The following SLC39A14 variants were observed in gnomAD, a reference collection of about 807,000 sequenced individuals.
The protein encoded by SLC39A14 is metal cation symporter ZIP14.
A neutral mutation model predicts 45.5 loss-of-function variants in SLC39A14; 19 were observed. That is an observed-to-expected ratio of 0.42 (90% confidence interval 0.29 to 0.61). The LOEUF is 0.61. Among genes scored for constraint, SLC39A14 ranks in the 20% least tolerant of loss-of-function variants. The pLI is 0.22. For missense variants in SLC39A14, 447 were observed against 616.5 expected (o/e 0.73, Z 2.91); for synonymous variants, 264 against 251.3 (o/e 1.05, Z -0.48).
intron 8 of SLC39A14, among the ~76,000 whole-genome samples, chr8:22,429,674 T>A (rs1305788912): frequency 1.3e-5 from 2 of 152,230 alleles, no homozygotes; most frequent in African/African-American, 4.8e-5. Flanking sequence ...GAAGCCCCTG[T>A]GCCCCAGGTG....
chr8:22,422,133 G>T lies in SLC39A14; in HGVS notation c.*2435G>T. ...TTTGTACATATTAGAAGTCTAAGGA[G>T]TAGCAAGTCAGTGGGAGGACTTTTT... On this transcript the variant is annotated 3_prime_UTR_variant, in exon 9 of 9. Coordinates refer to ENST00000381237, the MANE Select transcript of SLC39A14 (RefSeq NM_001128431.4). 1.0e-6 allele frequency: 1 copy of T among 985,466 alleles called. No individual in the cohort carries two copies. The highest frequency in any genetic ancestry group is 1.2e-6 in the Non-Finnish European group (1 of 829,942). The allele number at this position is 985,466 out of a possible 1,614,324, so 61.0% of individuals were successfully genotyped here.
chr8:22,377,133 T>G (rs1336010660), intron 1 of SLC39A14, among the ~76,000 whole-genome samples: 1 of 152,196 alleles, frequency 6.6e-6, no homozygotes, highest in African/African-American at 2.4e-5. Context: ...CCCCATTTAT[T>G]TATGCATTTG....
chr8:22,417,598 C>T, intron 7 of SLC39A14, 53 bp from the exon 8 acceptor site: 1 of 1,476,470 alleles, frequency 6.8e-7, no homozygotes, highest in Non-Finnish European at 9.4e-7. Context: ...ATTCACCATG[C>T]CCATCTTACT....
At chr8:22,369,693 T>C (rs1832827630) in intron 1 of SLC39A14, among the ~76,000 whole-genome samples, 1 of 152,222 alleles carries the variant, frequency 6.6e-6, no homozygotes, top group Non-Finnish European at 1.5e-5. Flanking sequence ...GTTCAATTCC[T>C]GGCCCCGTCA....
At position 22,420,902 on chromosome 8, in the gene SLC39A14, A is replaced by T; in HGVS notation, c.*1204A>T. 2 of 985,730 alleles carry T rather than the reference A, an allele frequency of 2.0e-6. No individual in the cohort carries two copies. The highest frequency in any genetic ancestry group is 1.2e-6 in the Non-Finnish European group (1 of 829,930). The allele number at this position is 985,730 out of a possible 1,614,324, so 61.1% of individuals were successfully genotyped here. A position where few individuals can be genotyped will look rare whatever the true frequency, so the allele number is the denominator to read the frequency against. On this transcript the variant is annotated 3_prime_UTR_variant, in exon 9 of 9. Coordinates refer to ENST00000381237, the MANE Select transcript of SLC39A14 (RefSeq NM_001128431.4). ...CGTCTAGGTTACTGCTTCCTTGCAA[A>T]AAAAGTCGAATCCTGCATTGAATTG...
At chr8:22,375,405 G>A (rs1459794034) in intron 1 of SLC39A14, among the ~76,000 whole-genome samples, 3 of 150,240 alleles carry the variant, frequency 2.0e-5, no homozygotes, top group Middle Eastern at 3.4e-3. Context: ...TTTTTTGGGG[G>A]GAGGGGATAC....
rs1261306233 is a variant in SLC39A14 at position 22,422,484 on chromosome 8, CA to C, written c.*2789del. 1 of 985,752 alleles carries C rather than the reference CA, an allele frequency of 1.0e-6. No individual in the cohort carries two copies. The highest frequency in any genetic ancestry group is 1.2e-6 in the Non-Finnish European group (1 of 829,938). 61.1% of individuals were successfully genotyped at this position (985,752 alleles called of 1,614,324 possible). A position where few individuals can be genotyped will look rare whatever the true frequency, so the allele number is the denominator to read the frequency against. On this transcript the variant is annotated 3_prime_UTR_variant, in exon 9 of 9. Coordinates refer to ENST00000381237, the MANE Select transcript of SLC39A14 (RefSeq NM_001128431.4). Reference sequence around the variant, plus strand: ...AATATGCTGGGCATCTACTTTAAAACAAAGTTGTCTGATTTTTGCAAGAGAG... The same window carrying C: ...AATATGCTGGGCATCTACTTTAAAACAAGTTGTCTGATTTTTGCAAGAGAG...
chr8:22,377,709 G>C (rs147914670), intron 1 of SLC39A14, among the ~76,000 whole-genome samples: 1 of 151,934 alleles, frequency 6.6e-6, no homozygotes, highest in Non-Finnish European at 1.5e-5. Flanking sequence ...TCCTATTATC[G>C]TGGCCCTGAT....
At chr8:22,373,380 G>A (rs1263656562) in intron 1 of SLC39A14, among the ~76,000 whole-genome samples, 3 of 152,016 alleles carry the variant, frequency 2.0e-5, no homozygotes, top group Admixed American at 2.0e-4. Flanking sequence ...TTATTTATTG[G>A]ATGATAATGA....
intron 8 of SLC39A14, among the ~76,000 whole-genome samples, chr8:22,433,509 A>T (rs1176485436): frequency 1.3e-5 from 2 of 149,570 alleles, no homozygotes; most frequent in Non-Finnish European, 3.0e-5. Flanking sequence ...GGTGAATACC[A>T]CTATGCCTGG....
In SLC39A14 at chr8:22,404,406, A is replaced by G. The variant is rs560839447; in HGVS notation, c.-15-290A>G. 4.6e-5 allele frequency: 12 copies of G among 258,924 alleles called. 1 individual carries two copies. The South Asian group carries it at 6.7e-4, about 15-fold the overall frequency. 16.0% of individuals were successfully genotyped at this position (258,924 alleles called of 1,614,324 possible). On this transcript the variant is annotated intron_variant, in intron 1 of 8. Transcript: ENST00000381237. ...TGCGCCACTGCACTCCAGCCTGGGC[A>G]ACGAGTGAATCTCCCGTCTCAAAAA...
Position 22,397,045 on chromosome 8 carries a change from C to T in SLC39A14, c.-15-7651C>T, listed in dbSNP as rs1053700789. ...TTACACTCCTATTTCATTTTTTCAT[C>T]TTAAGTCTTTAGTGTTTCAATATGC... On this transcript the variant is annotated intron_variant, in intron 1 of 8. Transcript: ENST00000381237. 4.0e-5 allele frequency among the ~76,000 whole-genome samples: 6 copies of T among 151,690 alleles called. No individual in the cohort carries two copies. In the East Asian group the frequency reaches 1.2e-3, roughly 29 times the overall value.
chr8:22,415,906 C>G lies in SLC39A14; in HGVS notation c.888C>G (p.Gly296=). 6.2e-7 allele frequency: 1 copy of G among 1,610,524 alleles called. No homozygotes were observed. The highest frequency in any genetic ancestry group is 1.3e-5 in the African/African-American group (1 of 74,836). Residue 296 remains glycine, a synonymous_variant, in exon 6 of 9, where the codon GGC becomes GGG. Coordinates refer to ENST00000381237, the MANE Select transcript of SLC39A14 (RefSeq NM_001128431.4). ...AGCACTGCAGCAGTGAGCTGGACGG[C>G]AAGGCGCCCATGGTGGACGAGAAGG... ...IPQHCSSELD[G]KAPMVDEKVI...
At chr8:22,382,333 C>G (rs1217353103) in intron 1 of SLC39A14, among the ~76,000 whole-genome samples, 1 of 152,110 alleles carries the variant, frequency 6.6e-6, no homozygotes, top group African/African-American at 2.4e-5. Context: ...TGGTGAGAAT[C>G]CTATGAAATA....
At position 22,376,039 on chromosome 8, in the gene SLC39A14, G is replaced by T. The variant is rs143214301; in HGVS notation, c.-16+8631G>T. ...TTGCTGTTTCCAGGATCTGATATGG[G>T]ATCCCACACTGTTTAGTTATTTCTC... On this transcript the variant is annotated intron_variant, in intron 1 of 8. Transcript: ENST00000381237. 4.6e-5 allele frequency among the ~76,000 whole-genome samples: 7 copies of T among 152,294 alleles called. No individual in the cohort carries two copies. In the East Asian group the frequency reaches 1.4e-3, roughly 29 times the overall value.
intron 1 of SLC39A14, among the ~76,000 whole-genome samples, chr8:22,396,373 T>A (rs1237353042): frequency 2.2e-5 from 2 of 89,654 alleles, no homozygotes; most frequent in African/African-American, 8.6e-5. Flanking sequence ...TCTTAAAAAA[T>A]AAATAAATAA....
At chr8:22,399,429 T>A (rs1834720844) in intron 1 of SLC39A14, among the ~76,000 whole-genome samples, 1 of 152,206 alleles carries the variant, frequency 6.6e-6, no homozygotes, top group Admixed American at 6.5e-5. Context: ...GACTTAAGTG[T>A]CACTCGCAGC....
downstream of SLC39A14, among the ~76,000 whole-genome samples, chr8:22,425,556 GA>G (rs1165888076): frequency 6.6e-6 from 1 of 150,470 alleles, no homozygotes; most frequent in East Asian, 1.9e-4. Flanking sequence ...TTTAATAGTG[GA>G]AAAAAAATCA....
chr8:22,420,688 C>G lies in SLC39A14; in HGVS notation c.*990C>G, dbSNP rs1340668103. 2.0e-6 allele frequency: 2 copies of G among 985,392 alleles called. No homozygotes were observed. The highest frequency in any genetic ancestry group is 1.2e-6 in the Non-Finnish European group (1 of 829,924). The allele number at this position is 985,392 out of a possible 1,614,324, so 61.0% of individuals were successfully genotyped here. On this transcript the variant is annotated 3_prime_UTR_variant, in exon 9 of 9. Transcript: ENST00000381237. ...GTAGAAATGGGGTGCCATTTATGCTCTACTTAGACAAGGGTAATCAGAAAT... is the reference window on the plus strand; with the variant it reads ...GTAGAAATGGGGTGCCATTTATGCTGTACTTAGACAAGGGTAATCAGAAAT...
Sources: allele counts gnomAD v4.1 joint callset (sites outside exome capture counted in the v4.1 genomes callset), GRCh38; gene constraint gnomAD v4.1.1; transcripts MANE v1.5; gene names NCBI Gene and HGNC (gene_info 2026-07-23, HGNC 2026-07-21).